The following MYO3B variants were observed in gnomAD, a reference collection of about 807,000 sequenced individuals.
MYO3B encodes the protein myosin-IIIb.
Under a neutral mutation model 174.6 loss-of-function variants are expected in MYO3B, and 156 were observed. That is an observed-to-expected ratio of 0.89 (90% CI 0.78 to 1.02). MYO3B has a LOEUF of 1.02. Among genes scored for constraint, MYO3B ranks in the 50% least tolerant of loss-of-function variants. The pLI, the probability that MYO3B is intolerant of heterozygous loss-of-function variation, is 0.00. For synonymous variants in MYO3B, 563 were observed against 569.1 expected (o/e 0.99, Z 0.15); for missense variants, 1,632 against 1,639.4 (o/e 1.00, Z 0.08).
At chr2:170,451,690 G>A (rs1445525560) in intron 23 of MYO3B, among the ~76,000 whole-genome samples, 2 of 152,094 alleles carry the variant, frequency 1.3e-5, no homozygotes, top group Non-Finnish European at 2.9e-5. Context: ...CACACAAACA[G>A]ACATGAATAT....
chr2:170,342,885 A>T (rs2093986763), intron 8 of MYO3B, among the ~76,000 whole-genome samples: 1 of 152,142 alleles, frequency 6.6e-6, no homozygotes. Context: ...TACCCTTTGC[A>T]TTTGGTCTGT....
chr2:170,323,956 C>T (rs962266654), intron 7 of MYO3B, among the ~76,000 whole-genome samples: 16 of 152,178 alleles, frequency 1.1e-4, no homozygotes, highest in South Asian at 2.1e-4. Context: ...TGACTTAGCA[C>T]TCATGACTGA....
intron 32 of MYO3B, among the ~76,000 whole-genome samples, chr2:170,627,188 C>T (rs1442878426): frequency 3.9e-5 from 6 of 152,186 alleles, no homozygotes; most frequent in Admixed American, 3.9e-4. Flanking sequence ...TCAGGTACAC[C>T]AATCAGATGT....
At chr2:170,644,743 A>G (rs1000895502) in intron 32 of MYO3B, 7 of 152,250 alleles carry the variant, frequency 4.6e-5, no homozygotes, top group African/African-American at 1.7e-4. Flanking sequence ...GTCTCTCACC[A>G]AGGGCTTGGG....
intron 1 of MYO3B, among the ~76,000 whole-genome samples, chr2:170,189,754 T>TA (rs2092516141): frequency 1.3e-5 from 2 of 152,174 alleles, no homozygotes; most frequent in African/African-American, 4.8e-5. Flanking sequence ...TTCAATTTTG[T>TA]TGAGTTTCCT....
At chr2:170,594,497 G>T (rs1013193936) in intron 32 of MYO3B, among the ~76,000 whole-genome samples, 1 of 152,162 alleles carries the variant, frequency 6.6e-6, no homozygotes, top group Non-Finnish European at 1.5e-5. Flanking sequence ...AAACACATTT[G>T]CAGTGGTTTC....
At chr2:170,504,763 C>T (rs556686720) in intron 28 of MYO3B, among the ~76,000 whole-genome samples, 2 of 152,260 alleles carry the variant, frequency 1.3e-5, no homozygotes, top group Admixed American at 6.5e-5. Flanking sequence ...GGTAAATGTC[C>T]TCATCATTAC....
chr2:170,319,454 G>A (rs2093799574), intron 7 of MYO3B, among the ~76,000 whole-genome samples: 1 of 151,978 alleles, frequency 6.6e-6, no homozygotes, highest in South Asian at 2.1e-4. Flanking sequence ...TCTGAAGAGA[G>A]ATCTATAGAA....
intron 7 of MYO3B, among the ~76,000 whole-genome samples, chr2:170,244,499 T>A (rs1231035302): frequency 6.6e-6 from 1 of 152,110 alleles, no homozygotes; most frequent in Non-Finnish European, 1.5e-5. Context: ...GCTGAGGGAA[T>A]ATACAAGTGA....
chr2:170,364,876 A>G (rs2105662304), intron 8 of MYO3B, among the ~76,000 whole-genome samples: 1 of 152,358 alleles, frequency 6.6e-6, no homozygotes, highest in South Asian at 2.1e-4. Context: ...AAAGGCAGTA[A>G]CTGTTGTTAG....
At chr2:170,230,717 G>A (rs1317763116) in intron 6 of MYO3B, among the ~76,000 whole-genome samples, 1 of 152,116 alleles carries the variant, frequency 6.6e-6, no homozygotes, top group Non-Finnish European at 1.5e-5. Flanking sequence ...TCTTAAAGAA[G>A]TAAGTAGATA....
chr2:170,292,634 T>G (rs915960651), intron 7 of MYO3B, among the ~76,000 whole-genome samples: 1 of 152,170 alleles, frequency 6.6e-6, no homozygotes, highest in Non-Finnish European at 1.5e-5. Flanking sequence ...TAAGCCCAGG[T>G]CCGCGTTAGC....
chr2:170,182,612 T>G (rs1161949222), intron 1 of MYO3B, among the ~76,000 whole-genome samples: 2 of 123,372 alleles, frequency 1.6e-5, no homozygotes, highest in Non-Finnish European at 3.7e-5. Context: ...CTTTTTCTGT[T>G]TCTTTTTTTT....
At chr2:170,517,989 T>TTGTGTGTGTGTGTGTG (rs10606302) in intron 29 of MYO3B, among the ~76,000 whole-genome samples, 1 of 149,394 alleles carries the variant, frequency 6.7e-6, no homozygotes, top group African/African-American at 2.5e-5. Context: ...GCCATAATGT[T>TTGTGTGTGTGTGTGTG]TGTGTGTGTG....
In MYO3B at chr2:170,385,104, C is replaced by G. The variant is rs73018920; in HGVS notation, c.1291-1085C>G. On this transcript the variant is annotated intron_variant, in intron 12 of 34. Transcript: ENST00000408978. ...AGCCAAATAGAAGAGACACATGGGG[C>G]AGGGTGTATGGGGGGAGGAAGGGGG... Among the ~76,000 whole-genome samples, 1,092 of 152,068 alleles carry G rather than the reference C, an allele frequency of 7.2e-3. 16 individuals carry two copies. The highest frequency in any genetic ancestry group is 0.025 in the African/African-American group (1,049 of 41,468).
chr2:170,592,485 T>G (rs540832492), intron 32 of MYO3B, among the ~76,000 whole-genome samples: 1 of 152,266 alleles, frequency 6.6e-6, no homozygotes, highest in South Asian at 2.1e-4. Flanking sequence ...AACCACAGCT[T>G]AGAGAAATTA....
At chr2:170,213,880 C>G (rs2092799599) in intron 3 of MYO3B, among the ~76,000 whole-genome samples, 1 of 152,150 alleles carries the variant, frequency 6.6e-6, no homozygotes, top group Non-Finnish European at 1.5e-5. Context: ...GGTTGGGCTT[C>G]TGATACGTGC....
intron 25 of MYO3B, among the ~76,000 whole-genome samples, chr2:170,497,960 A>T (rs1332038605): frequency 1.3e-5 from 2 of 151,910 alleles, no homozygotes; most frequent in Non-Finnish European, 2.9e-5. Flanking sequence ...AAAAAAAAAA[A>T]AAAAAAAAAA....
intron 8 of MYO3B, among the ~76,000 whole-genome samples, chr2:170,359,896 C>A (rs2094148449): frequency 6.6e-6 from 1 of 152,170 alleles, no homozygotes; most frequent in South Asian, 2.1e-4. Context: ...GCATTGTTTT[C>A]CCTAGGCATT....
Sources: allele counts gnomAD v4.1 joint callset (sites outside exome capture counted in the v4.1 genomes callset), GRCh38; gene constraint gnomAD v4.1.1; transcripts MANE v1.5; gene names NCBI Gene and HGNC (gene_info 2026-07-23, HGNC 2026-07-21).